TPD52: variants seen among roughly 807,000 people sequenced by gnomAD.
TPD52 encodes the protein tumor protein D52.
TPD52 carries 17 observed loss-of-function variants against 31.3 expected under a neutral mutation model. That is an observed-to-expected ratio of 0.54 (90% CI 0.37 to 0.82). The LOEUF (loss-of-function observed/expected upper bound fraction) is 0.82, where lower values mean the gene tolerates loss of function less well. Among genes scored for constraint, TPD52 ranks in the 40% least tolerant of loss-of-function variants. The probability of loss-of-function intolerance (pLI) is 0.00; values close to 1 mark genes in which losing one functional copy is unlikely to be tolerated. For missense variants in TPD52, 212 were observed against 240.1 expected (o/e 0.88, Z 0.77); for synonymous variants, 83 against 89.6 (o/e 0.93, Z 0.42).
Position 80,042,661 on chromosome 8 carries a change from G to T in TPD52, c.463C>A (p.Pro155Thr). ...TTTTCTTCAAATGATTTAAAAGTTG[G>T]GGAGTTTCTATGGAGAGAAAAGAAA... ...SISMPAMRNS[P>T]TFKSFEEKVE... is the part of the protein sequence containing the mutation. Residue 155 changes from proline (P) to threonine (T), a missense_variant, in exon 7 of 8, where the codon CCA (proline) becomes ACA (threonine). By Grantham distance (38) the Pro-to-Thr change is conservative. Coordinates refer to ENST00000518937, the MANE Select transcript of TPD52 (RefSeq NM_001025253.3). The T allele has an allele frequency of 6.2e-7, 1 of 1,611,230 alleles. No homozygotes were observed. Among genetic ancestry groups the T allele is most frequent in the Non-Finnish European group, 8.5e-7 (1 of 1,178,784 alleles).
At chr8:80,087,643 C>G (rs577197970) in intron 1 of TPD52, among the ~76,000 whole-genome samples, 2 of 152,182 alleles carry the variant, frequency 1.3e-5, no homozygotes, top group Admixed American at 1.3e-4. Context: ...AGGCACATAC[C>G]GGCTCCAGGC....
Position 80,064,466 on chromosome 8 carries a change from A to G in TPD52, c.135+12T>C, listed in dbSNP as rs779849931. 4 of 1,602,890 alleles carry G rather than the reference A, an allele frequency of 2.5e-6. No individual in the cohort carries two copies. Among genetic ancestry groups the G allele is most frequent in the African/African-American group, 2.7e-5 (2 of 74,662 alleles). Reference sequence around the variant, plus strand: ...GTGCAAAAATAAAGTTGCAAAAGGAATGGTTCTTTACCTTTGCAAGTTCTC... The same window carrying G: ...GTGCAAAAATAAAGTTGCAAAAGGAGTGGTTCTTTACCTTTGCAAGTTCTC... On this transcript the variant is annotated intron_variant, in intron 2 of 7. Coordinates refer to ENST00000518937, the MANE Select transcript of TPD52 (RefSeq NM_001025253.3).
rs1440857095 is a variant in TPD52, at chr8:80,105,337, G to C, written c.20-40744C>G. ...GCCTGGTAGTTAAAGATCCACCCCT[G>C]ACCTAATCGGTTATGTTATCTATAG... On this transcript the variant is annotated intron_variant, in intron 1 of 7. Transcript: ENST00000518937. Among the ~76,000 whole-genome samples, 7 of 152,226 alleles carry C rather than the reference G, an allele frequency of 4.6e-5. No homozygotes were observed. In the South Asian group the frequency reaches 1.0e-3, roughly 23 times the overall value.
intron 1 of TPD52, among the ~76,000 whole-genome samples, chr8:80,090,284 AGTTACTCAGG>A (rs1247081792): frequency 6.6e-6 from 1 of 152,204 alleles, no homozygotes; most frequent in East Asian, 1.9e-4. Context: ...CTGTAGTTCC[AGTTACTCAGG>A]AGGCTGGGTC....
chr8:80,164,472 A>C (rs1304702355), intron 1 of TPD52, among the ~76,000 whole-genome samples: 1 of 152,232 alleles, frequency 6.6e-6, no homozygotes, highest in East Asian at 1.9e-4. Context: ...CATTATCAAA[A>C]CAAACTCCAG....
chr8:80,075,720 G>A (rs1298054153), intron 1 of TPD52, among the ~76,000 whole-genome samples: 5 of 152,162 alleles, frequency 3.3e-5, no homozygotes, highest in African/African-American at 1.2e-4. Flanking sequence ...GGTCAGCCAT[G>A]CAGAAATCTC....
intron 1 of TPD52, among the ~76,000 whole-genome samples, chr8:80,076,371 G>C (rs1814536225): frequency 6.6e-6 from 1 of 152,160 alleles, no homozygotes; most frequent in African/African-American, 2.4e-5. Context: ...GGATGAGCTG[G>C]AGGCCATTAT....
chr8:80,122,706 C>G (rs925219338), intron 1 of TPD52: 1 of 152,220 alleles, frequency 6.6e-6, no homozygotes, highest in African/African-American at 2.4e-5. Context: ...TAATACAGTG[C>G]TTAATAAACT....
chr8:80,110,965 G>C (rs1807460391), intron 1 of TPD52, among the ~76,000 whole-genome samples: 1 of 152,184 alleles, frequency 6.6e-6, no homozygotes, highest in South Asian at 2.1e-4. Flanking sequence ...CAACACTTTG[G>C]GAGGGTGAGG....
intron 1 of TPD52, among the ~76,000 whole-genome samples, chr8:80,154,706 TACACACACACACACAC>T (rs36076685): frequency 9.0e-5 from 7 of 77,706 alleles, no homozygotes; most frequent in Non-Finnish European, 1.4e-4. Context: ...AATCATGACA[TACACACACACACACAC>T]ACACACACAC....
At position 80,064,178 on chromosome 8, in the gene TPD52, T is replaced by C. The variant is rs143581015; in HGVS notation, c.135+300A>G. On this transcript the variant is annotated intron_variant, in intron 2 of 7. Coordinates refer to ENST00000518937, the MANE Select transcript of TPD52 (RefSeq NM_001025253.3). ...TCACTGATGCACTGAAGAGCAAGTG[T>C]ATCAGATGTCAGTGAAGTCCCTTAG... Among the ~76,000 whole-genome samples the C allele has an allele frequency of 4.8e-3, 736 of 152,206 alleles. 2 individuals are homozygous for C. Among genetic ancestry groups the C allele is most frequent in the Admixed American group, 9.0e-3 (137 of 15,288 alleles).
chr8:80,051,489 G>A, intron 4 of TPD52, 38 bp downstream of exon 4: 2 of 1,567,894 alleles, frequency 1.3e-6, no homozygotes, highest in Non-Finnish European at 1.8e-6. Context: ...TTTAATTTGC[G>A]TCAGCTACTT....
At position 80,044,135 on chromosome 8, in the gene TPD52, G is replaced by A. The variant is rs763229981; in HGVS notation, c.455+32C>T. 42 of 1,558,000 alleles carry A rather than the reference G, an allele frequency of 2.7e-5. No individual in the cohort carries two copies. The South Asian group carries it at 4.9e-4, about 18-fold the overall frequency. On this transcript the variant is annotated intron_variant, in intron 6 of 7. Transcript: ENST00000518937. ...CTAAATAAAGAAAAATAAAGCATAA[G>A]ACCAACTACATTTCATAAAAATATA...
At position 80,037,931 on chromosome 8, in the gene TPD52, G is replaced by A. The variant is rs1810021737; in HGVS notation, c.*185C>T. 5.8e-6 allele frequency: 4 copies of A among 689,732 alleles called. No individual in the cohort carries two copies. Among genetic ancestry groups the A allele is most frequent in the Admixed American group, 3.1e-5 (1 of 32,750 alleles). The allele number at this position is 689,732 out of a possible 1,614,324, so 42.7% of individuals were successfully genotyped here. On this transcript the variant is annotated 3_prime_UTR_variant, in exon 8 of 8. Coordinates refer to ENST00000518937, the MANE Select transcript of TPD52 (RefSeq NM_001025253.3). ...GGAACATAAATGTACACTAAAGGGT[G>A]TTTCCCAAGAATAGAGGTGAAGATA...
intron 1 of TPD52, among the ~76,000 whole-genome samples, chr8:80,126,084 T>A (rs565016910): frequency 6.6e-6 from 1 of 152,244 alleles, no homozygotes; most frequent in African/African-American, 2.4e-5. Context: ...CTCAGATTTA[T>A]GGAGTCTGTA....
intron 1 of TPD52, among the ~76,000 whole-genome samples, chr8:80,104,981 A>G (rs1378175114): frequency 6.6e-6 from 1 of 151,836 alleles, no homozygotes; most frequent in Admixed American, 6.6e-5. Flanking sequence ...AATCACTTGA[A>G]CCTGGGAGGC....
intron 1 of TPD52, among the ~76,000 whole-genome samples, chr8:80,168,863 C>T (rs1811883373): frequency 6.6e-6 from 1 of 152,254 alleles, no homozygotes; most frequent in East Asian, 1.9e-4. Flanking sequence ...ACACTTTCCT[C>T]ACTCATCTTA....
At chr8:80,050,046 G>T (rs1811210213) in intron 5 of TPD52, among the ~76,000 whole-genome samples, 1 of 152,100 alleles carries the variant, frequency 6.6e-6, no homozygotes, top group African/African-American at 2.4e-5. Flanking sequence ...TTACAATTGT[G>T]TAATGAAACC....
At chr8:80,087,957 T>C (rs1255892015) in intron 1 of TPD52, among the ~76,000 whole-genome samples, 2 of 152,240 alleles carry the variant, frequency 1.3e-5, no homozygotes, top group African/African-American at 4.8e-5. Flanking sequence ...AGATGCTCTC[T>C]TATTTACAAA....
Sources: allele counts gnomAD v4.1 joint callset (sites outside exome capture counted in the v4.1 genomes callset), GRCh38; gene constraint gnomAD v4.1.1; transcripts MANE v1.5; gene names NCBI Gene and HGNC (gene_info 2026-07-23, HGNC 2026-07-21).